LSAMP: variants seen among roughly 807,000 people sequenced by gnomAD.
The protein encoded by LSAMP is limbic system-associated membrane protein.
LSAMP carries 7 observed loss-of-function variants against 38.6 expected under a neutral mutation model. That is an observed-to-expected ratio of 0.18 (90% CI 0.10 to 0.34). The LOEUF is 0.34. Ranked by LOEUF, LSAMP falls within the 10% of genes least tolerant of loss-of-function variation. LSAMP has a pLI of 1.00. For synonymous variants in LSAMP, 154 were observed against 166.8 expected, an observed-to-expected ratio of 0.92 and a Z score of 0.59; for missense variants, 313 against 420.0, an observed-to-expected ratio of 0.75 and a Z score of 2.23.
intron 1 of LSAMP, among the ~76,000 whole-genome samples, chr3:116,204,331 C>T (rs1398159349): frequency 4.0e-5 from 6 of 151,750 alleles, no homozygotes; most frequent in Non-Finnish European, 5.9e-5. Context: ...GTTGCGAAAA[C>T]TTTCTCCCAT....
At chr3:115,822,942 C>G (rs1934293683) in intron 6 of LSAMP, among the ~76,000 whole-genome samples, 1 of 152,202 alleles carries the variant, frequency 6.6e-6, no homozygotes. Context: ...TACCAGAATA[C>G]TGCAGCCCTA....
intron 3 of LSAMP, among the ~76,000 whole-genome samples, chr3:115,934,857 T>C (rs1235422190): frequency 1.3e-5 from 2 of 152,296 alleles, no homozygotes; most frequent in Admixed American, 1.3e-4. Flanking sequence ...ATCTAGGAAA[T>C]GTTATGTATC....
At chr3:115,826,111 A>ATTTTTATTTTTATTTTTG (rs2107473991) in intron 6 of LSAMP, among the ~76,000 whole-genome samples, 1 of 150,340 alleles carries the variant, frequency 6.7e-6, no homozygotes, top group South Asian at 2.1e-4. Context: ...TTTTATTTTT[A>ATTTTTATTTTTATTTTTG]TTTTTATTTT....
At chr3:115,927,134 G>T (rs1401055919) in intron 3 of LSAMP, among the ~76,000 whole-genome samples, 1 of 152,040 alleles carries the variant, frequency 6.6e-6, no homozygotes, top group East Asian at 1.9e-4. Context: ...TCAACCCCAC[G>T]CTTGCTGACC....
At chr3:116,394,589 C>T (rs1310821823) in intron 1 of LSAMP, among the ~76,000 whole-genome samples, 2 of 152,140 alleles carry the variant, frequency 1.3e-5, no homozygotes, top group Non-Finnish European at 2.9e-5. Context: ...AGACCAGCCC[C>T]CTCATTATGC....
intron 1 of LSAMP, among the ~76,000 whole-genome samples, chr3:116,260,745 G>A (rs924228323): frequency 5.9e-5 from 9 of 152,142 alleles, no homozygotes; most frequent in African/African-American, 1.9e-4. Context: ...CTCAACCTAC[G>A]TGAGGCTTAG....
At chr3:115,926,847 G>C (rs188188449) in intron 3 of LSAMP, among the ~76,000 whole-genome samples, 103 of 152,108 alleles carry the variant, frequency 6.8e-4, no homozygotes, top group Admixed American at 1.3e-3. Flanking sequence ...ATCTCTTCTT[G>C]ACTTTTCTTT....
At chr3:116,156,883 AG>A in intron 1 of LSAMP, among the ~76,000 whole-genome samples, 1 of 152,268 alleles carries the variant, frequency 6.6e-6, no homozygotes, top group Middle Eastern at 3.4e-3. Flanking sequence ...GTAGAGAATG[AG>A]GCATATTCTT....
At chr3:116,174,359 T>C (rs1172622360) in intron 1 of LSAMP, among the ~76,000 whole-genome samples, 1 of 152,036 alleles carries the variant, frequency 6.6e-6, no homozygotes, top group Non-Finnish European at 1.5e-5. Flanking sequence ...TAATAAGTAA[T>C]AGCTGTTTAA....
chr3:116,409,922 C>G (rs72951938), intron 1 of LSAMP, among the ~76,000 whole-genome samples: 16,652 of 152,052 alleles, frequency 0.11, 1,279 homozygotes, highest in African/African-American at 0.22. Context: ...TCTCCCACTA[C>G]GTGTCTGCTC....
At chr3:115,864,229 T>A (rs1226032459) in intron 3 of LSAMP, among the ~76,000 whole-genome samples, 2 of 151,056 alleles carry the variant, frequency 1.3e-5, no homozygotes, top group African/African-American at 4.9e-5. Context: ...CTCAAATGAA[T>A]TTTCCTCACT....
chr3:116,085,305 G>C (rs1707964421), intron 2 of LSAMP, among the ~76,000 whole-genome samples: 2 of 152,166 alleles, frequency 1.3e-5, no homozygotes, highest in African/African-American at 4.8e-5. Context: ...TTTTATTCCA[G>C]TTTCAATCTA....
Position 116,352,800 on chromosome 3 carries a change from A to G in LSAMP, c.155+92077T>C, listed in dbSNP as rs528336196. Among the ~76,000 whole-genome samples, 3 of 152,222 alleles carry G rather than the reference A, an allele frequency of 2.0e-5. No homozygotes were observed. The East Asian group carries it at 5.8e-4, about 29-fold the overall frequency. ...ACAAGCACTTGCTGCATTGTATAAT[A>G]ATGACTTTTTTGGGGTGTCTTGCAT... On this transcript the variant is annotated intron_variant, in intron 1 of 6. Transcript: ENST00000490035.
chr3:116,123,452 A>G (rs1173199761), intron 1 of LSAMP, among the ~76,000 whole-genome samples: 1 of 152,244 alleles, frequency 6.6e-6, no homozygotes, highest in African/African-American at 2.4e-5. Flanking sequence ...TGAGATTCCA[A>G]CAATAGGCAA....
intron 3 of LSAMP, among the ~76,000 whole-genome samples, chr3:115,918,845 T>C (rs1937316871): frequency 1.3e-5 from 2 of 152,126 alleles, no homozygotes; most frequent in African/African-American, 4.8e-5. Flanking sequence ...ATGTAGCGTT[T>C]TCTGTGTGCC....
At chr3:116,280,535 C>T (rs1173051087) in intron 1 of LSAMP, among the ~76,000 whole-genome samples, 1 of 152,184 alleles carries the variant, frequency 6.6e-6, no homozygotes, top group Non-Finnish European at 1.5e-5. Flanking sequence ...CCAGTATTGG[C>T]ATCTATTTCT....
chr3:116,262,169 A>G (rs569197342), intron 1 of LSAMP, among the ~76,000 whole-genome samples: 3 of 152,236 alleles, frequency 2.0e-5, no homozygotes, highest in South Asian at 4.1e-4. Flanking sequence ...TGCAATGACT[A>G]TTGTATTAAA....
chr3:116,359,976 A>T (rs1423754783), intron 1 of LSAMP: 1 of 152,632 alleles, frequency 6.6e-6, no homozygotes, highest in African/African-American at 2.4e-5. Context: ...AAATTGACAA[A>T]TGGGATCTAA....
rs142624723 is a variant in LSAMP at position 115,806,124 on chromosome 3, C to A, written c.*4193G>T. ...TGAGGACATGGTTAATCCCATTAAACATAGTCTATAAGCAAATTTCTTTTC... is the reference window on the plus strand; with the variant it reads ...TGAGGACATGGTTAATCCCATTAAAAATAGTCTATAAGCAAATTTCTTTTC... On this transcript the variant is annotated 3_prime_UTR_variant, in exon 7 of 7. Transcript: ENST00000490035. 3.9e-5 allele frequency: 6 copies of A among 152,260 alleles called. No individual in the cohort carries two copies. The East Asian group carries it at 1.2e-3, about 29-fold the overall frequency. The allele number at this position is 152,260 out of a possible 1,614,324, so 9.4% of individuals were successfully genotyped here.
Sources: allele counts gnomAD v4.1 joint callset (sites outside exome capture counted in the v4.1 genomes callset), GRCh38; gene constraint gnomAD v4.1.1; transcripts MANE v1.5; gene names NCBI Gene and HGNC (gene_info 2026-07-23, HGNC 2026-07-21).